The following PGRMC2 variants were observed in gnomAD, a reference collection of about 807,000 sequenced individuals.
PGRMC2 encodes the protein progesterone receptor membrane component 2.
PGRMC2 carries 9 observed loss-of-function variants against 19.3 expected under a neutral mutation model. The ratio of observed to expected loss-of-function variants is 0.47; its 90% CI spans 0.28 to 0.81. The LOEUF is 0.81. Ranked by LOEUF, PGRMC2 falls within the 40% of genes least tolerant of loss-of-function variation. PGRMC2 has a pLI of 0.11. For missense variants in PGRMC2, 289 were observed against 297.3 expected (o/e 0.97, Z 0.21); for synonymous variants, 157 against 124.6 (o/e 1.26, Z -1.73).
chr4:128,272,276 C>G (rs1054700291), intron 2 of PGRMC2, 86 bp downstream of exon 2: 10 of 783,464 alleles, frequency 1.3e-5, no homozygotes, highest in Non-Finnish European at 1.8e-5. Context: ...GGATGACATC[C>G]TTAGGCTCTT....
At chr4:128,274,629 GGAGA>G (rs759930033) in intron 1 of PGRMC2, among the ~76,000 whole-genome samples, 10 of 151,574 alleles carry the variant, frequency 6.6e-5, no homozygotes, top group African/African-American at 1.9e-4. Context: ...AGGAGGACAA[GGAGA>G]GAGACAGAGA....
At chr4:128,283,659 ATT>A (rs35900892) in intron 1 of PGRMC2, among the ~76,000 whole-genome samples, 555 of 134,694 alleles carry the variant, frequency 4.1e-3, no homozygotes, top group Middle Eastern at 0.012. Flanking sequence ...CCATAAAAGC[ATT>A]TTTTTTTTTT....
At chr4:128,273,437 C>A (rs1760762414) in intron 1 of PGRMC2, among the ~76,000 whole-genome samples, 1 of 152,044 alleles carries the variant, frequency 6.6e-6, no homozygotes, top group Admixed American at 6.5e-5. Flanking sequence ...CTGTGCCTGG[C>A]ATAAAGTAGG....
At chr4:128,287,332 C>T in intron 1 of PGRMC2, 41 bp downstream of exon 1, 2 of 1,559,560 alleles carry the variant, frequency 1.3e-6, no homozygotes, top group Non-Finnish European at 1.7e-6. Flanking sequence ...GGTTGTGCTT[C>T]AGCTGCAGGG....
chr4:128,277,926 G>C (rs1365079923), intron 1 of PGRMC2, among the ~76,000 whole-genome samples: 1 of 152,170 alleles, frequency 6.6e-6, no homozygotes, highest in Admixed American at 6.5e-5. Context: ...TTACCTGCCT[G>C]AAGTTGAGAC....
At position 128,287,737 on chromosome 4, in the gene PGRMC2, C is replaced by T; in HGVS notation, c.54G>A (p.Glu18=). Residue 18 remains glutamate (E), a synonymous_variant, in exon 1 of 3, where the codon GAG becomes GAA. Coordinates refer to ENST00000296425, the MANE Select transcript of PGRMC2 (RefSeq NM_006320.6). ...TCTCGCTGCCGCCGTCGTTGCTGCT[C>T]TCGCTGCCACTCCCCAGGGTGCCTA... ...VKLGTLGSGS[E]SSNDGGSESP... The T allele has an allele frequency of 6.8e-7, 1 of 1,471,352 alleles. No homozygotes were observed. Among genetic ancestry groups the T allele is most frequent in the African/African-American group, 1.4e-5 (1 of 72,418 alleles). 91.1% of individuals were successfully genotyped at this position (1,471,352 alleles called of 1,614,324 possible).
chr4:128,287,554 A>AACCCCCCCCCCCCCCC lies in PGRMC2; in HGVS notation c.236_237insGGGGGGGGGGGGGGGT (p.Leu80GlyfsTer75). The AACCCCCCCCCCCCCCC allele has an allele frequency of 1.2e-5, 11 of 924,826 alleles. No individual in the cohort carries two copies. The highest frequency in any genetic ancestry group is 3.0e-5 in the South Asian group (2 of 67,126). 57.3% of individuals were successfully genotyped at this position (924,826 alleles called of 1,614,324 possible). On this transcript the variant is annotated frameshift_variant, in exon 1 of 3. Transcript: ENST00000296425. LOFTEE classifies it high-confidence loss of function. Reference sequence around the variant, plus strand: ...CGCCCGCCCCGGCCCCGGCCCCCAGACCCCGCCGCCCCCAGCGCACCCACA... The same window carrying AACCCCCCCCCCCCCCC: ...CGCCCGCCCCGGCCCCGGCCCCCAGAACCCCCCCCCCCCCCCCCCCGCCGCCCCCAGCGCACCCACA...
intron 1 of PGRMC2, among the ~76,000 whole-genome samples, chr4:128,287,140 G>A (rs1364092760): frequency 6.6e-6 from 1 of 152,094 alleles, no homozygotes; most frequent in Non-Finnish European, 1.5e-5. Context: ...CTGGTCTCTG[G>A]GGCGCCACCG....
intron 1 of PGRMC2, among the ~76,000 whole-genome samples, chr4:128,280,340 G>A: frequency 1.5e-5 from 1 of 66,572 alleles, no homozygotes; most frequent in Admixed American, 2.3e-4. Flanking sequence ...ATAAGTAACA[G>A]CAAATTTTCT....
chr4:128,278,071 A>C (rs1292831929), intron 1 of PGRMC2, among the ~76,000 whole-genome samples: 1 of 152,192 alleles, frequency 6.6e-6, no homozygotes, highest in Non-Finnish European at 1.5e-5. Context: ...TCCAGGGTGC[A>C]TGGGTAGGCT....
Position 128,287,611 on chromosome 4 carries a change from C to A in PGRMC2, c.180G>T (p.Leu60=). The A allele has an allele frequency of 2.6e-6, 4 of 1,539,032 alleles. No individual in the cohort carries two copies. The highest frequency in any genetic ancestry group is 3.5e-6 in the Non-Finnish European group (4 of 1,145,274). Residue 60 remains leucine (L), a synonymous_variant, in exon 1 of 3, where the codon CTG becomes CTT. Coordinates refer to ENST00000296425, the MANE Select transcript of PGRMC2 (RefSeq NM_006320.6). ...AGGCCCCCAGCAGCACCAGAGCCAC[C>A]AGCGCCACGTTCAGCAGCATTTCCC... ...GGGEMLLNVA[L]VALVLLGAYR...
chr4:128,271,500 G>A, intron 2 of PGRMC2, 87 bp from the exon 3 acceptor site: 1 of 636,900 alleles, frequency 1.6e-6, no homozygotes, highest in Non-Finnish European at 2.8e-6. Context: ...GTCTGTTTTA[G>A]AATCATATAA....
chr4:128,283,540 T>C (rs1246746140), intron 1 of PGRMC2, among the ~76,000 whole-genome samples: 1 of 152,244 alleles, frequency 6.6e-6, no homozygotes, highest in Non-Finnish European at 1.5e-5. Flanking sequence ...CAGCACTTTA[T>C]ATGTGGCTAG....
chr4:128,269,865 G>GTT lies in PGRMC2; in HGVS notation c.*1450_*1451insAA, dbSNP rs1760700250. 1 of 152,234 alleles carries GTT rather than the reference G, an allele frequency of 6.6e-6. No homozygotes were observed. The highest frequency in any genetic ancestry group is 6.5e-5 in the Admixed American group (1 of 15,282). 9.4% of individuals were successfully genotyped at this position (152,234 alleles called of 1,614,324 possible). A position where few individuals can be genotyped will look rare whatever the true frequency, so the allele number is the denominator to read the frequency against. ...AACCACCTGGAGTGCTAATTGTCTA[G>GTT]TATAATCAGTTGGCATCAAAATAGA... On this transcript the variant is annotated 3_prime_UTR_variant, in exon 3 of 3. Transcript: ENST00000296425.
In PGRMC2 at chr4:128,287,485, G is replaced by A. The variant is rs754407598; in HGVS notation, c.306C>T (p.Asp102=). The part of the protein sequence containing the change: ...ATSLPRMKKR[D]FSLEQLRQYD... Reference sequence around the variant, plus strand: ...ACTGGCGCAGCTGCTCCAAGCTGAAGTCCCGCTTCTTCATGCGAGGCAGAG... The same window carrying A: ...ACTGGCGCAGCTGCTCCAAGCTGAAATCCCGCTTCTTCATGCGAGGCAGAG... Residue 102 remains aspartate (D), a synonymous_variant, in exon 1 of 3, where the codon GAC becomes GAT. Coordinates refer to ENST00000296425, the MANE Select transcript of PGRMC2 (RefSeq NM_006320.6). 2 of 1,613,692 alleles carry A rather than the reference G, an allele frequency of 1.2e-6. No individual in the cohort carries two copies. The highest frequency in any genetic ancestry group is 2.2e-5 in the East Asian group (1 of 44,854).
chr4:128,271,191 T>C lies in PGRMC2; in HGVS notation c.*125A>G, dbSNP rs1415174662. 1.9e-6 allele frequency: 1 copy of C among 532,954 alleles called. No individual in the cohort carries two copies. 33.0% of individuals were successfully genotyped at this position (532,954 alleles called of 1,614,324 possible). On this transcript the variant is annotated 3_prime_UTR_variant, in exon 3 of 3. Coordinates refer to ENST00000296425, the MANE Select transcript of PGRMC2 (RefSeq NM_006320.6). Reference sequence around the variant, plus strand: ...AAATCTTCATAGTGAGATTAATTTATCTTGTACACAATTTGTTGAATGTTT... The same window carrying C: ...AAATCTTCATAGTGAGATTAATTTACCTTGTACACAATTTGTTGAATGTTT...
intron 1 of PGRMC2, 136 bp downstream of exon 1, chr4:128,287,237 G>A (rs1365522280): frequency 2.1e-6 from 2 of 966,714 alleles, no homozygotes; most frequent in African/African-American, 1.7e-5. Context: ...GCCGTCCCAG[G>A]TGCGGCGGCC....
At chr4:128,281,946 T>C (rs1473340932) in intron 1 of PGRMC2, among the ~76,000 whole-genome samples, 1 of 152,210 alleles carries the variant, frequency 6.6e-6, no homozygotes, top group Non-Finnish European at 1.5e-5. Flanking sequence ...TGTCGAGCCC[T>C]TTTTCTCGAG....
At chr4:128,272,640 GTA>G in intron 1 of PGRMC2, 123 bp from the exon 2 acceptor site, 1 of 507,152 alleles carries the variant, frequency 2.0e-6, no homozygotes, top group Non-Finnish European at 3.1e-6. Flanking sequence ...ATTCACATTT[GTA>G]TATACCCTTA....
Sources: gnomAD v4.1 joint callset for allele counts (sites outside exome capture counted in the v4.1 genomes callset) on GRCh38, gnomAD v4.1.1 for gene constraint, MANE v1.5 for transcripts, NCBI Gene and HGNC (gene_info 2026-07-23, HGNC 2026-07-21) for gene names.